Variants in FCHO2 observed in about 807,000 individuals in gnomAD.
The protein encoded by FCHO2 is FCH and mu domain containing endocytic adaptor 2, also known as F-BAR domain only protein 2.
In FCHO2, 43 loss-of-function variants were observed where a neutral mutation model predicts 114.1. That is an observed-to-expected ratio of 0.38 (90% CI 0.30 to 0.49). The LOEUF is 0.49. Among genes scored for constraint, FCHO2 ranks in the 20% least tolerant of loss-of-function variants. The pLI, the probability that FCHO2 is intolerant of heterozygous loss-of-function variation, is 0.97. For synonymous variants in FCHO2, 293 were observed against 315.2 expected, an observed-to-expected ratio of 0.93 and a Z score of 0.75; for missense variants, 807 against 950.4, an observed-to-expected ratio of 0.85 and a Z score of 1.98.
In FCHO2 at chr5:73,089,771, A is replaced by T. The variant is rs925107795; in HGVS notation, c.*1681A>T. 2 of 152,582 alleles carry T rather than the reference A, an allele frequency of 1.3e-5. No individual in the cohort carries two copies. Among genetic ancestry groups the T allele is most frequent in the East Asian group, 3.8e-4 (2 of 5,200 alleles). 9.5% of individuals were successfully genotyped at this position (152,582 alleles called of 1,614,324 possible). A position where few individuals can be genotyped will look rare whatever the true frequency, so the allele number is the denominator to read the frequency against. ...CATTTATGTAACATCTTGCTGTACTAAATACAGCAGAAAATCTACTCTTTA... is the reference window on the plus strand; with the variant it reads ...CATTTATGTAACATCTTGCTGTACTTAATACAGCAGAAAATCTACTCTTTA... On this transcript the variant is annotated 3_prime_UTR_variant, in exon 26 of 26. Coordinates refer to ENST00000430046, the MANE Select transcript of FCHO2 (RefSeq NM_138782.3).
intron 6 of FCHO2, among the ~76,000 whole-genome samples, chr5:73,011,867 G>A (rs190422108): frequency 2.7e-4 from 41 of 151,570 alleles, no homozygotes; most frequent in Admixed American, 1.8e-3. Context: ...CTGAGATTGC[G>A]CCACTGCCCT....
At chr5:73,048,911 C>G (rs1362628105) in intron 11 of FCHO2, among the ~76,000 whole-genome samples, 1 of 127,660 alleles carries the variant, frequency 7.8e-6, no homozygotes, top group Non-Finnish European at 1.6e-5. Flanking sequence ...GAGTCTCGCT[C>G]TGTCGCCCAG....
chr5:73,079,922 A>G (rs1403597225), intron 22 of FCHO2, among the ~76,000 whole-genome samples: 1 of 152,238 alleles, frequency 6.6e-6, no homozygotes, highest in Admixed American at 6.5e-5. Flanking sequence ...TATATGTAAT[A>G]CATATTTATT....
chr5:73,052,335 C>T lies in FCHO2; in HGVS notation c.1001C>T (p.Thr334Ile), dbSNP rs1278521342. The T allele has an allele frequency of 6.2e-7, 1 of 1,603,688 alleles. No individual in the cohort carries two copies. Among genetic ancestry groups the T allele is most frequent in the Admixed American group, 1.7e-5 (1 of 57,920 alleles). The change falls in exon 13 of 26, where the codon ACC (threonine) becomes ATC (isoleucine). Residue 334 changes from threonine (T) to isoleucine (I), a missense_variant. Transcript: ENST00000430046. ...SIKPETNQND[T>I]KENHFYSSSD... Reference sequence around the variant, plus strand: ...CAATTCTTTAACTGAAACTCACATACCAAAGAGAACCATTTCTACTCATCT... The same window carrying T: ...CAATTCTTTAACTGAAACTCACATATCAAAGAGAACCATTTCTACTCATCT...
At position 73,077,372 on chromosome 5, in the gene FCHO2, T is replaced by G; in HGVS notation, c.1726T>G (p.Ser576Ala). The G allele has an allele frequency of 6.3e-7, 1 of 1,585,482 alleles. No individual in the cohort carries two copies. Among genetic ancestry groups the G allele is most frequent in the Non-Finnish European group, 8.6e-7 (1 of 1,164,272 alleles). ...GAAGATCACTGGTGATATGACAATG[T>G]CATTTCCAAGTGGAATTATTAAAGT... ...IVKITGDMTM[S>A]FPSGIIKVFT... Residue 576 changes from serine to alanine, a missense_variant, in exon 21 of 26, where the codon TCA becomes GCA. By Grantham distance (99) the Ser-to-Ala change is moderately conservative. Coordinates refer to ENST00000430046, the MANE Select transcript of FCHO2 (RefSeq NM_138782.3).
intron 2 of FCHO2, among the ~76,000 whole-genome samples, chr5:72,974,908 A>C (rs1002861556): frequency 1.3e-5 from 2 of 152,188 alleles, no homozygotes; most frequent in East Asian, 3.9e-4. Flanking sequence ...GCTGGTGACA[A>C]AATCTCTCAG....
chr5:73,079,558 T>C (rs1455095617), intron 22 of FCHO2, among the ~76,000 whole-genome samples: 1 of 152,094 alleles, frequency 6.6e-6, no homozygotes, highest in Non-Finnish European at 1.5e-5. Flanking sequence ...TTAGCCAAAG[T>C]AAAATCCATG....
At chr5:73,059,691 C>CTGTACTTAATACTGTTT (rs1757761711) in intron 17 of FCHO2, among the ~76,000 whole-genome samples, 1 of 152,086 alleles carries the variant, frequency 6.6e-6, no homozygotes, top group African/African-American at 2.4e-5. Context: ...GGAAGGTAAT[C>CTGTACTTAATACTGTTT]TGTACTTAAT....
intron 11 of FCHO2, 31 bp from the exon 12 acceptor site, chr5:73,051,318 T>C: frequency 7.0e-7 from 1 of 1,421,592 alleles, no homozygotes; most frequent in Non-Finnish European, 9.6e-7. Context: ...ATTGGAGTTG[T>C]CATTATAATT....
rs1289209920 is a variant in FCHO2 at position 72,968,579 on chromosome 5, G to T, written c.115G>T (p.Val39Leu). ...ATCAACAAAAGAACTAGCAGATTTT[G>T]TAAGGGAACGGTATGTATTTTTTAA... is the stretch of plus-strand genomic sequence containing the variant. ...QISTKELADF[V>L]RERATIEEAY... The change falls in exon 2 of 26, where the codon GTA becomes TTA. Residue 39 changes from valine (V) to leucine (L), a missense_variant. Coordinates refer to ENST00000430046, the MANE Select transcript of FCHO2 (RefSeq NM_138782.3). 6.5e-7 allele frequency: 1 copy of T among 1,530,174 alleles called. No homozygotes were observed. The highest frequency in any genetic ancestry group is 8.7e-7 in the Non-Finnish European group (1 of 1,146,708). The allele number at this position is 1,530,174 out of a possible 1,614,324, so 94.8% of individuals were successfully genotyped here. A position where few individuals can be genotyped will look rare whatever the true frequency, so the allele number is the denominator to read the frequency against.
intron 2 of FCHO2, among the ~76,000 whole-genome samples, chr5:72,971,433 G>A (rs1210945452): frequency 6.6e-6 from 1 of 152,178 alleles, no homozygotes; most frequent in African/African-American, 2.4e-5. Context: ...GTTTTGATTT[G>A]CATTTATCTG....
At position 73,082,129 on chromosome 5, in the gene FCHO2, A is replaced by G. The variant is rs925420196; in HGVS notation, c.2180+147A>G. The G allele has an allele frequency of 4.8e-5, 30 of 619,022 alleles. No homozygotes were observed. The African/African-American group carries it at 5.4e-4, about 11-fold the overall frequency. 38.3% of individuals were successfully genotyped at this position (619,022 alleles called of 1,614,324 possible). ...AACCACGCTGTAAAAGATGCAGTTCATTTTACTAGTCAAACCATAGTAACC... is the reference window on the plus strand; with the variant it reads ...AACCACGCTGTAAAAGATGCAGTTCGTTTTACTAGTCAAACCATAGTAACC... On this transcript the variant is annotated intron_variant, in intron 23 of 25. Coordinates refer to ENST00000430046, the MANE Select transcript of FCHO2 (RefSeq NM_138782.3).
chr5:73,027,132 A>G (rs997868638), intron 8 of FCHO2, among the ~76,000 whole-genome samples: 30 of 150,720 alleles, frequency 2.0e-4, no homozygotes, highest in Non-Finnish European at 5.9e-5. Context: ...TCATGAATAA[A>G]CTGGTGTTTT....
At chr5:72,971,760 C>G (rs1752570144) in intron 2 of FCHO2, among the ~76,000 whole-genome samples, 1 of 152,204 alleles carries the variant, frequency 6.6e-6, no homozygotes, top group Non-Finnish European at 1.5e-5. Context: ...GTGTTTTAGA[C>G]ATGAAGTCCT....
intron 6 of FCHO2, among the ~76,000 whole-genome samples, chr5:73,008,276 G>A (rs905729639): frequency 1.3e-5 from 2 of 152,150 alleles, no homozygotes; most frequent in Admixed American, 6.5e-5. Flanking sequence ...ATTGATTAGA[G>A]TATGTCTAAA....
intron 8 of FCHO2, among the ~76,000 whole-genome samples, chr5:73,022,020 C>G (rs984517941): frequency 2.0e-5 from 3 of 152,110 alleles, no homozygotes; most frequent in Admixed American, 2.0e-4. Context: ...AGAGATTTGT[C>G]TAAGCTAGTA....
At chr5:72,978,208 C>T (rs1439591583) in intron 2 of FCHO2, among the ~76,000 whole-genome samples, 6 of 152,162 alleles carry the variant, frequency 3.9e-5, no homozygotes, top group Non-Finnish European at 7.4e-5. Flanking sequence ...GCAGTATGGC[C>T]ATTTTCACAA....
intron 1 of FCHO2, among the ~76,000 whole-genome samples, chr5:72,967,508 G>A (rs1318174196): frequency 6.6e-6 from 1 of 152,114 alleles, no homozygotes; most frequent in African/African-American, 2.4e-5. Flanking sequence ...AAATAATCAG[G>A]AATTTCTTAC....
intron 6 of FCHO2, among the ~76,000 whole-genome samples, chr5:73,012,376 G>T (rs372122168): frequency 2.0e-5 from 3 of 151,870 alleles, no homozygotes; most frequent in South Asian, 2.1e-4. Context: ...TAATCCCAGC[G>T]CTTTGGGAGG....
Sources: gnomAD v4.1 joint callset for allele counts (sites outside exome capture counted in the v4.1 genomes callset) on GRCh38, gnomAD v4.1.1 for gene constraint, MANE v1.5 for transcripts, NCBI Gene and HGNC (gene_info 2026-07-23, HGNC 2026-07-21) for gene names.